The following RBFOX1 variants were observed in gnomAD, a reference collection of about 807,000 sequenced individuals.
RBFOX1 encodes RNA binding protein fox-1 homolog 1.
Under a neutral mutation model 57.7 loss-of-function variants are expected in RBFOX1, and 8 were observed. That is an observed-to-expected ratio of 0.14 (90% confidence interval 0.08 to 0.25). The LOEUF is 0.25. Among genes scored for constraint, RBFOX1 ranks in the 10% least tolerant of loss-of-function variants. The pLI, the probability that RBFOX1 is intolerant of heterozygous loss-of-function variation, is 1.00. For missense variants in RBFOX1, 611 were observed against 548.5 expected, an observed-to-expected ratio of 1.11 and a Z score of -1.14; for synonymous variants, 326 against 222.4, an observed-to-expected ratio of 1.47 and a Z score of -4.15.
chr16:5,881,683 A>G (rs28438473), intron 4 of RBFOX1, among the ~76,000 whole-genome samples: 1 of 151,970 alleles, frequency 6.6e-6, no homozygotes, highest in East Asian at 1.9e-4. Flanking sequence ...CCATCTCAAA[A>G]AAAAAGTTTT....
At chr16:6,986,391 G>T (rs900363478) in intron 3 of RBFOX1, among the ~76,000 whole-genome samples, 1 of 151,880 alleles carries the variant, frequency 6.6e-6, no homozygotes, top group African/African-American at 2.4e-5. Flanking sequence ...TAGAGACGGG[G>T]TTTCACCATG....
chr16:6,153,543 T>A (rs1179740288), intron 1 of RBFOX1, among the ~76,000 whole-genome samples: 1 of 152,090 alleles, frequency 6.6e-6, no homozygotes, highest in African/African-American at 2.4e-5. Flanking sequence ...TACGTTTTTT[T>A]TTTCCCCCTT....
intron 4 of RBFOX1, among the ~76,000 whole-genome samples, chr16:5,892,484 A>C (rs2151936753): frequency 6.6e-6 from 1 of 152,292 alleles, no homozygotes; most frequent in South Asian, 2.1e-4. Context: ...CTGCTTATAA[A>C]GTGCTTGGCT....
At chr16:6,154,331 G>A (rs912600988) in intron 1 of RBFOX1, among the ~76,000 whole-genome samples, 2 of 152,192 alleles carry the variant, frequency 1.3e-5, no homozygotes, top group African/African-American at 4.8e-5. Context: ...TAAAGATAAT[G>A]GTATAAGCAA....
chr16:5,530,296 C>G (rs1329293405), intron 2 of RBFOX1, among the ~76,000 whole-genome samples: 1 of 152,176 alleles, frequency 6.6e-6, no homozygotes, highest in Non-Finnish European at 1.5e-5. Flanking sequence ...TCTTTTGTGC[C>G]TGGCCTTTCT....
chr16:7,698,379 A>C (rs1249285591), intron 14 of RBFOX1, among the ~76,000 whole-genome samples: 2 of 152,004 alleles, frequency 1.3e-5, no homozygotes, highest in Admixed American at 1.3e-4. Context: ...TAGGGTCTGC[A>C]AGAAAGCCTT....
intron 2 of RBFOX1, among the ~76,000 whole-genome samples, chr16:6,412,459 C>G (rs185843668): frequency 7.2e-5 from 11 of 152,258 alleles, no homozygotes; most frequent in Admixed American, 6.5e-4. Context: ...TTCATGGACC[C>G]CTATATGCCT....
At chr16:5,922,152 C>A (rs907968123) in intron 4 of RBFOX1, among the ~76,000 whole-genome samples, 4 of 152,100 alleles carry the variant, frequency 2.6e-5, no homozygotes, top group Non-Finnish European at 5.9e-5. Flanking sequence ...CACAGCAAGA[C>A]CCTGTCTCGA....
At position 5,946,040 on chromosome 16, in the gene RBFOX1, T is replaced by C. The variant is rs2059393817; in HGVS notation, c.351+78705T>C. Among the ~76,000 whole-genome samples, 1 of 152,166 alleles carries C rather than the reference T, an allele frequency of 6.6e-6. No homozygotes were observed. The highest frequency in any genetic ancestry group is 6.5e-5 in the Admixed American group (1 of 15,276). On this transcript the variant is annotated intron_variant, in intron 4 of 19. Coordinates refer to the RBFOX1 transcript ENST00000641259. The surrounding 1 kb of genome is among the most constrained non-coding windows in gnomAD (Gnocchi z 4.6). ...TTTAAAAAGAGAAAAGAAGTCTGCT[T>C]TGTTTGCTAGTAAAGTGAGGGGGAG... is the stretch of plus-strand genomic sequence containing the variant.
chr16:6,965,303 C>G (rs191435814), intron 3 of RBFOX1, among the ~76,000 whole-genome samples: 2 of 148,872 alleles, frequency 1.3e-5, no homozygotes, highest in East Asian at 2.0e-4. Context: ...ATCCAATTTC[C>G]TTTTTCTTTT....
intron 4 of RBFOX1, among the ~76,000 whole-genome samples, chr16:7,158,392 T>C (rs930963125): frequency 6.6e-6 from 1 of 152,174 alleles, no homozygotes; most frequent in African/African-American, 2.4e-5. Flanking sequence ...CAACCAGTGA[T>C]TGATCTTACT....
chr16:7,665,000 G>C (rs539629033), intron 13 of RBFOX1, 32 bp downstream of exon 13: 1 of 1,613,784 alleles, frequency 6.2e-7, no homozygotes, highest in Non-Finnish European at 8.5e-7. Context: ...TGCCATCCCC[G>C]TTTCCTCCTG....
At chr16:7,168,880 C>A (rs188622521) in intron 4 of RBFOX1, among the ~76,000 whole-genome samples, 1 of 152,104 alleles carries the variant, frequency 6.6e-6, no homozygotes, top group East Asian at 1.9e-4. Context: ...GAGGAGTGTG[C>A]CTCTATTTTT....
In RBFOX1 at chr16:7,098,860, G is replaced by T. The variant is rs901469381; in HGVS notation, c.27+46762G>T. Among the ~76,000 whole-genome samples the T allele has an allele frequency of 2.0e-5, 3 of 152,170 alleles. No individual in the cohort carries two copies. In the South Asian group the frequency reaches 6.2e-4, roughly 32 times the overall value. On this transcript the variant is annotated intron_variant, in intron 4 of 15. Coordinates refer to ENST00000550418, the MANE Select transcript of RBFOX1 (RefSeq NM_018723.4). ...GAGGCACAGCTATATTCAAAATTTG[G>T]TCCTTATCCTATTTTTTGCAGTAAC... is the stretch of plus-strand genomic sequence containing the variant.
intron 10 of RBFOX1, among the ~76,000 whole-genome samples, chr16:7,629,349 G>C: frequency 6.6e-6 from 1 of 152,160 alleles, no homozygotes; most frequent in Non-Finnish European, 1.5e-5. Context: ...AGATACAGAA[G>C]GAGCATAGAA....
At chr16:5,432,968 TAC>T (rs1450824057) in intron 1 of RBFOX1, among the ~76,000 whole-genome samples, 1 of 152,126 alleles carries the variant, frequency 6.6e-6, no homozygotes, top group Non-Finnish European at 1.5e-5. Context: ...GTATTTTTAG[TAC>T]AGACAGGGTT....
intron 2 of RBFOX1, among the ~76,000 whole-genome samples, chr16:6,503,728 C>T (rs1481689659): frequency 2.0e-5 from 3 of 152,160 alleles, no homozygotes; most frequent in Non-Finnish European, 2.9e-5. Context: ...CTGATGTCTA[C>T]TGGACCAAAT....
intron 4 of RBFOX1, among the ~76,000 whole-genome samples, chr16:7,423,354 T>C (rs1301265122): frequency 1.3e-5 from 2 of 151,356 alleles, no homozygotes; most frequent in African/African-American, 4.8e-5. Context: ...ATATAAAAAG[T>C]TGTGGGGGGT....
At chr16:7,100,520 T>C (rs1470746976) in intron 4 of RBFOX1, among the ~76,000 whole-genome samples, 3 of 152,038 alleles carry the variant, frequency 2.0e-5, no homozygotes, top group Admixed American at 6.6e-5. Context: ...ATAAACATTT[T>C]CTAGTGTTAC....
Sources: gnomAD v4.1 joint callset for allele counts (sites outside exome capture counted in the v4.1 genomes callset) on GRCh38, gnomAD v4.1.1 for gene constraint, Gnocchi (gnomAD v3.1) non-coding constraint, MANE v1.5 for transcripts, NCBI Gene and HGNC (gene_info 2026-07-23, HGNC 2026-07-21) for gene names.